The following RSF1 variants were observed in gnomAD, a reference collection of about 807,000 sequenced individuals.
RSF1 encodes HBV pX-associated protein 8.
RSF1 carries 13 observed loss-of-function variants against 145.2 expected under a neutral mutation model. That is an observed-to-expected ratio of 0.09 (90% CI 0.06 to 0.14). The LOEUF (loss-of-function observed/expected upper bound fraction) is 0.14, where lower values mean the gene tolerates loss of function less well. Among genes scored for constraint, RSF1 ranks in the 10% least tolerant of loss-of-function variants. RSF1 has a pLI of 1.00. For missense variants in RSF1, 1,517 were observed against 1,718.2 expected (o/e 0.88, Z 2.07); for synonymous variants, 577 against 592.6 (o/e 0.97, Z 0.38).
At chr11:77,724,807 G>A (rs1961015087) in intron 5 of RSF1, among the ~76,000 whole-genome samples, 1 of 152,188 alleles carries the variant, frequency 6.6e-6, no homozygotes. Flanking sequence ...GACAGGAGGT[G>A]GAGCTTGGGC....
rs757600994 is a variant in RSF1, at chr11:77,764,592, A to G, written c.279+6T>C. 3 of 1,501,468 alleles carry G rather than the reference A, an allele frequency of 2.0e-6. No homozygotes were observed. Among genetic ancestry groups the G allele is most frequent in the Non-Finnish European group, 2.8e-6 (3 of 1,079,778 alleles). 93.0% of individuals were successfully genotyped at this position (1,501,468 alleles called of 1,614,324 possible). A position where few individuals can be genotyped will look rare whatever the true frequency, so the allele number is the denominator to read the frequency against. ...ATAGAGCAGGAAATTTACAAATACT[A>G]GTTACCTTGATCAAATATTTTTCCC... On this transcript the variant is annotated splice_donor_region_variant and intron_variant, in intron 2 of 15. Transcript: ENST00000308488.
At chr11:77,865,095 T>A in the RSF1 span, among the ~76,000 whole-genome samples, 2 of 152,190 alleles carry the variant, frequency 1.3e-5, no homozygotes, top group African/African-American at 4.8e-5. Context: ...CTCCCTTGTA[T>A]ATATTTTGCA....
At chr11:77,672,363 G>A (rs1004022085) in intron 14 of RSF1, 133 bp from the exon 15 acceptor site, 11 of 697,772 alleles carry the variant, frequency 1.6e-5, no homozygotes, top group Non-Finnish European at 2.6e-5. Context: ...ACTTTTATGA[G>A]TCTCATTTTA....
At chr11:77,693,335 AAAAC>A (rs1296088707) in intron 8 of RSF1, among the ~76,000 whole-genome samples, 168 bp downstream of exon 8, 1 of 152,234 alleles carries the variant, frequency 6.6e-6, no homozygotes, top group Non-Finnish European at 1.5e-5. Context: ...TTTGGGAAAA[AAAAC>A]AAAAAGGAAA....
chr11:77,863,980 T>G, the RSF1 span, among the ~76,000 whole-genome samples: 1 of 151,612 alleles, frequency 6.6e-6, no homozygotes, highest in Non-Finnish European at 1.5e-5. Flanking sequence ...AGGCTGGAGT[T>G]CAGTGGCGCG....
intron 1 of RSF1, among the ~76,000 whole-genome samples, chr11:77,777,169 A>C (rs1948350937): frequency 2.6e-5 from 4 of 152,322 alleles, no homozygotes; most frequent in Non-Finnish European, 5.9e-5. Flanking sequence ...TAAATACTTC[A>C]GTGTGTATCT....
intron 4 of RSF1, chr11:77,734,572 T>C (rs990035338): frequency 3.8e-5 from 58 of 1,545,058 alleles, no homozygotes; most frequent in Non-Finnish European, 4.2e-5. Context: ...GTTGGTCACA[T>C]GGTCATCCAA....
In RSF1 at chr11:77,784,860, G is replaced by A. The variant is rs533575321; in HGVS notation, c.188-20171C>T. On this transcript the variant is annotated intron_variant, in intron 1 of 15. Transcript: ENST00000308488. ...ATAACCTGGATGTTCAGTGCCTAGCGTTGTGGATTTTCACTGTTTGCATAT... is the reference window on the plus strand; with the variant it reads ...ATAACCTGGATGTTCAGTGCCTAGCATTGTGGATTTTCACTGTTTGCATAT... 8.5e-4 allele frequency among the ~76,000 whole-genome samples: 129 copies of A among 152,252 alleles called. 1 individual carries two copies. The highest frequency in any genetic ancestry group is 3.1e-3 in the African/African-American group (128 of 41,540).
chr11:77,686,407 T>TAAAAAAAAAAAAA (rs1565148154), intron 9 of RSF1, among the ~76,000 whole-genome samples: 1 of 9,596 alleles, frequency 1.0e-4, no homozygotes, highest in Non-Finnish European at 1.7e-4. Context: ...AGACCCTGTC[T>TAAAAAAAAAAAAA]CAAAAAAAAA....
the RSF1 span, among the ~76,000 whole-genome samples, chr11:77,858,003 G>T: frequency 1.3e-5 from 2 of 151,966 alleles, no homozygotes; most frequent in Non-Finnish European, 2.9e-5. Context: ...CATCATCTAG[G>T]TTTTAAGCCC....
At chr11:77,866,907 C>G in the RSF1 span, among the ~76,000 whole-genome samples, 6 of 151,936 alleles carry the variant, frequency 3.9e-5, no homozygotes, top group African/African-American at 1.5e-4. Context: ...GTGGCACAAT[C>G]TCAGCTCACT....
intron 1 of RSF1, among the ~76,000 whole-genome samples, chr11:77,777,725 C>T (rs1422806704): frequency 6.6e-6 from 1 of 152,048 alleles, no homozygotes; most frequent in Non-Finnish European, 1.5e-5. Flanking sequence ...TGGCACACAC[C>T]TGTAATCCTA....
At chr11:77,871,988 C>T in the RSF1 span, among the ~76,000 whole-genome samples, 1 of 152,106 alleles carries the variant, frequency 6.6e-6, no homozygotes, top group Non-Finnish European at 1.5e-5. Flanking sequence ...ATTATGATAC[C>T]TCTGACAAAG....
At chr11:77,713,913 A>T (rs527473759) in intron 5 of RSF1, among the ~76,000 whole-genome samples, 1 of 152,226 alleles carries the variant, frequency 6.6e-6, no homozygotes, top group East Asian at 1.9e-4. Context: ...TCTTGTTCTT[A>T]TAATCCCAGG....
At chr11:77,790,329 T>C (rs1227183595) in intron 1 of RSF1, among the ~76,000 whole-genome samples, 1 of 152,116 alleles carries the variant, frequency 6.6e-6, no homozygotes, top group Non-Finnish European at 1.5e-5. Context: ...ACTTAGTTAT[T>C]ATCATGAGGA....
At chr11:77,853,993 C>CTTT in the RSF1 span, among the ~76,000 whole-genome samples, 3 of 138,414 alleles carry the variant, frequency 2.2e-5, no homozygotes, top group East Asian at 2.2e-4. Flanking sequence ...CCTCCAAATT[C>CTTT]TTTTTTTTTT....
chr11:77,816,545 A>G (rs750032182), intron 1 of RSF1, among the ~76,000 whole-genome samples: 8 of 152,274 alleles, frequency 5.3e-5, no homozygotes, highest in Non-Finnish European at 1.0e-4. Flanking sequence ...AGCCAACCAT[A>G]GTATAAACTA....
At chr11:77,671,996 AT>A in intron 15 of RSF1, 45 bp downstream of exon 15, 2 of 1,488,536 alleles carry the variant, frequency 1.3e-6, no homozygotes, top group South Asian at 1.3e-5. Flanking sequence ...TATAATGTCT[AT>A]TTTGCCCTGT....
chr11:77,819,955 A>T (rs1948834425), intron 1 of RSF1, among the ~76,000 whole-genome samples: 1 of 152,022 alleles, frequency 6.6e-6, no homozygotes, highest in Admixed American at 6.6e-5. Flanking sequence ...GGGAAGGGAA[A>T]AGGGACAAAT....
Sources: gnomAD v4.1 joint callset for allele counts (sites outside exome capture counted in the v4.1 genomes callset) on GRCh38, gnomAD v4.1.1 for gene constraint, MANE v1.5 for transcripts, NCBI Gene and HGNC (gene_info 2026-07-23, HGNC 2026-07-21) for gene names.